SP100: variants seen among roughly 807,000 people sequenced by gnomAD.
SP100 encodes SP100 nuclear body protein, also known as nuclear autoantigen Sp-100.
SP100 carries 84 observed loss-of-function variants against 130.0 expected under a neutral mutation model. The ratio of observed to expected loss-of-function variants is 0.65; its 90% CI spans 0.54 to 0.77. The LOEUF (loss-of-function observed/expected upper bound fraction) is 0.77, where lower values mean the gene tolerates loss of function less well. Among genes scored for constraint, SP100 ranks in the 30% least tolerant of loss-of-function variants. The pLI is 0.00. For synonymous variants in SP100, 331 were observed against 351.7 expected (o/e 0.94, Z 0.66); for missense variants, 978 against 1,052.2 (o/e 0.93, Z 0.97).
chr2:230,492,794 G>T (rs1053757411), intron 17 of SP100, among the ~76,000 whole-genome samples: 2 of 152,220 alleles, frequency 1.3e-5, no homozygotes, highest in South Asian at 2.1e-4. Context: ...TACATTCCAA[G>T]AATTTTTCTG....
At chr2:230,443,129 G>A (rs748850842) in intron 3 of SP100, 30 bp downstream of exon 3, 1 of 1,607,032 alleles carries the variant, frequency 6.2e-7, no homozygotes, top group South Asian at 1.1e-5. Context: ...TCACAATCTG[G>A]TAAAGCAGCC....
At chr2:230,509,111 T>C (rs530095181) in intron 23 of SP100, 8 of 152,346 alleles carry the variant, frequency 5.3e-5, no homozygotes, top group African/African-American at 1.9e-4. Flanking sequence ...ACCTCACTTC[T>C]ATCTGTGAAG....
Position 230,467,367 on chromosome 2 carries a change from C to T in SP100, c.1291+152C>T, listed in dbSNP as rs141091917. Reference sequence around the variant, plus strand: ...TTGAAAAATGCAAAGAAAGAAGTCACTCTAAATTCAGGCTTAACAAGATGG... The same window carrying T: ...TTGAAAAATGCAAAGAAAGAAGTCATTCTAAATTCAGGCTTAACAAGATGG... On this transcript the variant is annotated intron_variant, in intron 13 of 28. Coordinates refer to ENST00000340126, the MANE Select transcript of SP100 (RefSeq NM_001080391.2). 628 of 631,540 alleles carry T rather than the reference C, an allele frequency of 9.9e-4. 3 individuals are homozygous for T. In the African/African-American group the frequency reaches 0.01, roughly 11 times the overall value. The allele number at this position is 631,540 out of a possible 1,614,324, so 39.1% of individuals were successfully genotyped here.
intron 24 of SP100, among the ~76,000 whole-genome samples, chr2:230,511,682 C>A (rs1690599485): frequency 6.6e-6 from 1 of 152,074 alleles, no homozygotes; most frequent in Non-Finnish European, 1.5e-5. Flanking sequence ...AAGTGAGTCT[C>A]TTATGAAGCC....
At chr2:230,542,767 T>G in intron 28 of SP100, 69 bp from the exon 29 acceptor site, 2 of 863,854 alleles carry the variant, frequency 2.3e-6, no homozygotes, top group Non-Finnish European at 3.8e-6. Flanking sequence ...AGGCCCCAGA[T>G]TATCTGCAAC....
intron 15 of SP100, among the ~76,000 whole-genome samples, chr2:230,471,140 T>C (rs770928923): frequency 1.3e-5 from 2 of 151,138 alleles, no homozygotes; most frequent in Non-Finnish European, 3.0e-5. Context: ...GAACAGAACA[T>C]CATTGATGGA....
intron 2 of SP100, among the ~76,000 whole-genome samples, chr2:230,440,064 CACTT>C: frequency 1.3e-5 from 2 of 152,226 alleles, no homozygotes; most frequent in South Asian, 4.1e-4. Flanking sequence ...GCAAACATCA[CACTT>C]AATGGTGCTG....
At chr2:230,535,424 G>A (rs1691891298) in intron 24 of SP100, among the ~76,000 whole-genome samples, 1 of 152,100 alleles carries the variant, frequency 6.6e-6, no homozygotes, top group African/African-American at 2.4e-5. Flanking sequence ...AACAAATGGA[G>A]GCCAGAAATA....
chr2:230,440,384 TA>T, intron 2 of SP100: 1 of 353,574 alleles, frequency 2.8e-6, no homozygotes, highest in Non-Finnish European at 4.7e-6. Flanking sequence ...TGAAAAGCAT[TA>T]TCATTTAAAG....
chr2:230,459,554 C>A (rs1314347854), intron 8 of SP100, among the ~76,000 whole-genome samples: 1 of 152,188 alleles, frequency 6.6e-6, no homozygotes, highest in Non-Finnish European at 1.5e-5. Context: ...ATTTAAAGAC[C>A]TGAAGAACAT....
intron 24 of SP100, among the ~76,000 whole-genome samples, chr2:230,526,778 G>A (rs1003392024): frequency 5.9e-5 from 9 of 152,238 alleles, no homozygotes; most frequent in South Asian, 4.1e-4. Context: ...CATGACGCAC[G>A]CACAAGCTTC....
At chr2:230,520,385 G>C (rs1456672957) in intron 24 of SP100, among the ~76,000 whole-genome samples, 1 of 152,164 alleles carries the variant, frequency 6.6e-6, no homozygotes, top group Non-Finnish European at 1.5e-5. Flanking sequence ...CCAAAACCTT[G>C]AGAGAAATAA....
intron 2 of SP100, among the ~76,000 whole-genome samples, chr2:230,439,572 T>TTGC (rs1291354401): frequency 1.4e-4 from 21 of 152,084 alleles, no homozygotes; most frequent in Non-Finnish European, 2.9e-4. Context: ...GTTGTTGTTG[T>TTGC]TGTTTTGCTT....
At chr2:230,506,148 G>A (rs1474988230) in intron 21 of SP100, among the ~76,000 whole-genome samples, 155 bp from the exon 22 acceptor site, 1 of 152,156 alleles carries the variant, frequency 6.6e-6, no homozygotes, top group Admixed American at 6.5e-5. Context: ...TGTTCCTTCA[G>A]GCTGGGTATG....
intron 2 of SP100, among the ~76,000 whole-genome samples, chr2:230,439,924 TTTTTA>T (rs1240073233): frequency 6.6e-6 from 1 of 152,170 alleles, no homozygotes; most frequent in African/African-American, 2.4e-5. Flanking sequence ...CTGCTTTTTA[TTTTTA>T]TTTTCAGTGT....
At chr2:230,488,052 C>A (rs1166651551) in intron 17 of SP100, among the ~76,000 whole-genome samples, 2 of 152,164 alleles carry the variant, frequency 1.3e-5, no homozygotes, top group Non-Finnish European at 2.9e-5. Flanking sequence ...TGAGATTTTT[C>A]TGACATTCCT....
At chr2:230,459,126 A>C (rs1468646522) in intron 8 of SP100, among the ~76,000 whole-genome samples, 3 of 152,158 alleles carry the variant, frequency 2.0e-5, no homozygotes, top group Non-Finnish European at 4.4e-5. Context: ...AGATAAAAAG[A>C]CTATGAATAG....
rs571457162 is a variant in SP100 at position 230,429,465 on chromosome 2, C to A, written c.107+11800C>A. 3.3e-4 allele frequency among the ~76,000 whole-genome samples: 50 copies of A among 152,310 alleles called. 1 individual carries two copies. In the South Asian group the frequency reaches 5.6e-3, roughly 17 times the overall value. On this transcript the variant is annotated intron_variant, in intron 2 of 28. Transcript: ENST00000340126. ...TTGTTCAGTCTGCTTGGGCACCTTT[C>A]AGCCCAGTGAATCTAGATGTTCATT...
chr2:230,458,432 TG>T (rs1339810632), intron 8 of SP100, among the ~76,000 whole-genome samples: 26 of 152,106 alleles, frequency 1.7e-4, no homozygotes, highest in African/African-American at 5.8e-4. Flanking sequence ...GTCTGAGGGG[TG>T]GCAGAGGTGG....
Sources: allele counts gnomAD v4.1 joint callset (sites outside exome capture counted in the v4.1 genomes callset), GRCh38; gene constraint gnomAD v4.1.1; transcripts MANE v1.5; gene names NCBI Gene and HGNC (gene_info 2026-07-23, HGNC 2026-07-21).